Variants in FRY observed in about 807,000 individuals in gnomAD.
FRY encodes FRY microtubule binding protein, also known as protein furry homolog.
In FRY, 128 loss-of-function variants were observed where a neutral mutation model predicts 348.4. The ratio of observed to expected loss-of-function variants is 0.37; its 90% CI spans 0.32 to 0.43. The LOEUF (loss-of-function observed/expected upper bound fraction) is 0.43. Ranked by LOEUF, FRY falls within the 20% of genes least tolerant of loss-of-function variation. The pLI, the probability that FRY is intolerant of heterozygous loss-of-function variation, is 1.00. For synonymous variants in FRY, 1,370 were observed against 1,374.7 expected (o/e 1.00, Z 0.08); for missense variants, 2,736 against 3,695.2 (o/e 0.74, Z 6.73).
intron 42 of FRY, among the ~76,000 whole-genome samples, 177 bp downstream of exon 42, chr13:32,234,938 C>G (rs760663510): frequency 4.7e-4 from 71 of 152,156 alleles, no homozygotes; most frequent in Non-Finnish European, 1.0e-3. Context: ...TTCCAAGGAG[C>G]CTTGTTCTAG....
chr13:32,220,278 A>G (rs369034578), intron 36 of FRY, among the ~76,000 whole-genome samples: 171 of 152,346 alleles, frequency 1.1e-3, no homozygotes, highest in African/African-American at 4.0e-3. Flanking sequence ...CCCTTGTTCT[A>G]CTTCTGAATG....
chr13:32,237,842 C>G lies in FRY; in HGVS notation c.6274C>G (p.Leu2092Val). ...REKLEKLQAQ[L>V]KWADFSGLQQ... Reference sequence around the variant, plus strand: ...AAAGCTTGAGAAACTCCAGGCACAGCTGAAGTGGGCCGACTTCTCCGGGCT... The same window carrying G: ...AAAGCTTGAGAAACTCCAGGCACAGGTGAAGTGGGCCGACTTCTCCGGGCT... Residue 2092 changes from leucine (L) to valine (V), a missense_variant, in exon 44 of 61, where the codon CTG becomes GTG. Coordinates refer to ENST00000542859, the MANE Select transcript of FRY (RefSeq NM_023037.3). The surrounding 1 kb of genome is among the most constrained non-coding windows in gnomAD (Gnocchi z 6.3). 6.2e-7 allele frequency: 1 copy of G among 1,614,212 alleles called. No individual in the cohort carries two copies. The highest frequency in any genetic ancestry group is 8.5e-7 in the Non-Finnish European group (1 of 1,180,046).
chr13:32,171,177 G>A lies in FRY; in HGVS notation c.2058G>A (p.Leu686=). The A allele has an allele frequency of 6.2e-6, 10 of 1,613,832 alleles. No individual in the cohort carries two copies. The highest frequency in any genetic ancestry group is 8.5e-6 in the Non-Finnish European group (10 of 1,179,864). The change falls in exon 18 of 61, where the codon CTG becomes CTA. Residue 686 remains leucine, a synonymous_variant. Transcript: ENST00000542859. Reference sequence around the variant, plus strand: ...ATCACACACTCCTTGATTCGTCCCTGAAGTTGCTGCTGCAGCTGCTCACCC... The same window carrying A: ...ATCACACACTCCTTGATTCGTCCCTAAAGTTGCTGCTGCAGCTGCTCACCC... ...DMHHTLLDSS[L]KLLLQLLTQW... is the part of the protein sequence containing the mutation.
intron 28 of FRY, among the ~76,000 whole-genome samples, chr13:32,188,849 A>G (rs1883173252): frequency 6.6e-6 from 1 of 152,074 alleles, no homozygotes; most frequent in Non-Finnish European, 1.5e-5. Flanking sequence ...CTACTTGTCT[A>G]CTGCTGATGA....
At chr13:32,171,916 A>G (rs372638417) in intron 18 of FRY, among the ~76,000 whole-genome samples, 1 of 122,970 alleles carries the variant, frequency 8.1e-6, no homozygotes, top group African/African-American at 3.4e-5. Context: ...ATGTGGATGT[A>G]GGTGTGGATG....
chr13:32,238,904 C>T (rs945300606), intron 44 of FRY, among the ~76,000 whole-genome samples: 2 of 152,196 alleles, frequency 1.3e-5, no homozygotes, highest in African/African-American at 4.8e-5. Flanking sequence ...CCTCTCACAC[C>T]AGTTTTTCTT....
intron 20 of FRY, among the ~76,000 whole-genome samples, chr13:32,176,837 C>T (rs748712993): frequency 8.5e-5 from 13 of 152,204 alleles, no homozygotes; most frequent in Non-Finnish European, 1.6e-4. Context: ...GTTTTTACAG[C>T]TGTTACTTCA....
intron 35 of FRY, among the ~76,000 whole-genome samples, chr13:32,217,677 T>C (rs973064328): frequency 6.6e-6 from 1 of 152,202 alleles, no homozygotes; most frequent in Non-Finnish European, 1.5e-5. Context: ...CCTCCTGCAC[T>C]GCCACCTCCC....
rs556027588 is a variant in FRY at position 32,146,786 on chromosome 13, A to T, written c.1180-496A>T. On this transcript the variant is annotated intron_variant, in intron 11 of 60. Coordinates refer to ENST00000542859, the MANE Select transcript of FRY (RefSeq NM_023037.3). ...GATTGTGAACATCTTAAGGGAAAGG[A>T]TTATCTTTTATCTCTGCATCTCAGG... is the stretch of plus-strand genomic sequence containing the variant. 1.1e-4 allele frequency among the ~76,000 whole-genome samples: 16 copies of T among 152,270 alleles called. No individual in the cohort carries two copies. The East Asian group carries it at 2.9e-3, about 28-fold the overall frequency.
intron 54 of FRY, among the ~76,000 whole-genome samples, chr13:32,266,681 G>A (rs1478417654): frequency 1.3e-5 from 2 of 152,116 alleles, no homozygotes; most frequent in Admixed American, 6.5e-5. Context: ...TCCTCGAATC[G>A]TGAAAGAATC....
intron 16 of FRY, among the ~76,000 whole-genome samples, chr13:32,160,748 A>G (rs1474185551): frequency 1.3e-5 from 2 of 152,222 alleles, no homozygotes; most frequent in Non-Finnish European, 2.9e-5. Context: ...AGATATCACA[A>G]TTACAAAAGG....
At chr13:32,203,141 T>G (rs886840086) in intron 31 of FRY, among the ~76,000 whole-genome samples, 1 of 152,170 alleles carries the variant, frequency 6.6e-6, no homozygotes, top group Non-Finnish European at 1.5e-5. Context: ...AATACTAACT[T>G]CTGCATACAT....
chr13:32,044,252 AT>A (rs1872900029), intron 1 of FRY, among the ~76,000 whole-genome samples: 1 of 152,240 alleles, frequency 6.6e-6, no homozygotes. Flanking sequence ...TCATGTGGAA[AT>A]AACAGTATTT....
intron 1 of FRY, among the ~76,000 whole-genome samples, chr13:32,042,818 G>T (rs1284156959): frequency 6.6e-6 from 1 of 152,186 alleles, no homozygotes; most frequent in African/African-American, 2.4e-5. Flanking sequence ...TAGCCAAATT[G>T]ACTTAGATGA....
At chr13:32,268,322 T>C (rs1027314648) in intron 55 of FRY, among the ~76,000 whole-genome samples, 12 of 151,904 alleles carry the variant, frequency 7.9e-5, no homozygotes, top group Admixed American at 5.2e-4. Context: ...TTGAAGGCCA[T>C]TGCAGTTAAC....
At position 32,142,523 on chromosome 13, in the gene FRY, G is replaced by A. The variant is rs190657719; in HGVS notation, c.1180-4759G>A. Among the ~76,000 whole-genome samples, 179 of 152,216 alleles carry A rather than the reference G, an allele frequency of 1.2e-3. 2 individuals are homozygous for A. Among genetic ancestry groups the A allele is most frequent in the African/African-American group, 4.1e-3 (170 of 41,550 alleles). ...TCGTTTACTAACCTGGTTTACTGTC[G>A]TTTACTTTGAGCAATTTATTGGGCC... On this transcript the variant is annotated intron_variant, in intron 11 of 60. Coordinates refer to ENST00000542859, the MANE Select transcript of FRY (RefSeq NM_023037.3).
intron 2 of FRY, among the ~76,000 whole-genome samples, chr13:32,092,756 A>G (rs1566066307): frequency 6.6e-6 from 1 of 152,200 alleles, no homozygotes; most frequent in African/African-American, 2.4e-5. Flanking sequence ...CTTCTCACGC[A>G]GCAGGTGAGG....
chr13:32,231,379 G>C, intron 41 of FRY, 79 bp downstream of exon 41: 1 of 1,444,274 alleles, frequency 6.9e-7, no homozygotes, highest in Non-Finnish European at 9.7e-7. Flanking sequence ...TGATTACAGC[G>C]CCTTAAAACG....
chr13:32,212,048 T>C (rs541346294), intron 34 of FRY, among the ~76,000 whole-genome samples: 14 of 152,350 alleles, frequency 9.2e-5, no homozygotes, highest in Non-Finnish European at 1.0e-4. Flanking sequence ...GTTTCAAGAA[T>C]GTAGGCTTGC....
Sources: gnomAD v4.1 joint callset for allele counts (sites outside exome capture counted in the v4.1 genomes callset) on GRCh38, gnomAD v4.1.1 for gene constraint, Gnocchi (gnomAD v3.1) non-coding constraint, MANE v1.5 for transcripts, NCBI Gene and HGNC (gene_info 2026-07-23, HGNC 2026-07-21) for gene names.